Variants in CDYL2 observed in about 807,000 individuals in gnomAD.
CDYL2 encodes the protein chromodomain Y-like protein 2.
CDYL2 carries 23 observed loss-of-function variants against 49.4 expected under a neutral mutation model. That is an observed-to-expected ratio of 0.47 (90% CI 0.34 to 0.66). The LOEUF is 0.66. CDYL2 is among the 30% of genes least tolerant of loss of function. The probability of loss-of-function intolerance (pLI) is 0.01; values close to 1 mark genes in which losing one functional copy is unlikely to be tolerated. For missense variants in CDYL2, 678 were observed against 656.4 expected, an observed-to-expected ratio of 1.03 and a Z score of -0.36; for synonymous variants, 360 against 268.8, an observed-to-expected ratio of 1.34 and a Z score of -3.32.
intron 1 of CDYL2, chr16:80,742,178 C>T (rs1203184855): frequency 6.6e-6 from 1 of 152,256 alleles, no homozygotes; most frequent in East Asian, 1.9e-4. Flanking sequence ...CAAACCCAGG[C>T]AGTGTGCCTA....
chr16:80,666,896 T>C (rs1482783222), intron 2 of CDYL2, among the ~76,000 whole-genome samples: 2 of 152,166 alleles, frequency 1.3e-5, no homozygotes, highest in Non-Finnish European at 2.9e-5. Context: ...CCCAGCATTG[T>C]TAGGTGTTGG....
chr16:80,708,307 T>C (rs187099920), intron 1 of CDYL2, among the ~76,000 whole-genome samples: 42 of 152,312 alleles, frequency 2.8e-4, no homozygotes, highest in Admixed American at 1.5e-3. Flanking sequence ...CATACTCTTC[T>C]TGTGACAGTG....
intron 1 of CDYL2, among the ~76,000 whole-genome samples, chr16:80,775,844 A>G (rs1421550995): frequency 6.6e-6 from 1 of 151,176 alleles, no homozygotes; most frequent in Non-Finnish European, 1.5e-5. Flanking sequence ...GTATATATCT[A>G]TATCTTAATT....
At chr16:80,681,566 C>T (rs1909968574) in intron 2 of CDYL2, among the ~76,000 whole-genome samples, 1 of 152,224 alleles carries the variant, frequency 6.6e-6, no homozygotes, top group African/African-American at 2.4e-5. Context: ...CCTTCTCTCT[C>T]AAGCAAGGAT....
intron 2 of CDYL2, among the ~76,000 whole-genome samples, chr16:80,648,428 C>A (rs990854561): frequency 6.6e-6 from 1 of 152,022 alleles, no homozygotes; most frequent in African/African-American, 2.4e-5. Flanking sequence ...TAGACACATA[C>A]AACCTACTAA....
intron 1 of CDYL2, among the ~76,000 whole-genome samples, chr16:80,714,618 C>T (rs1222980880): frequency 6.6e-6 from 1 of 152,130 alleles, no homozygotes; most frequent in Non-Finnish European, 1.5e-5. Context: ...ATGGTCACCT[C>T]AATAAAGCCA....
At chr16:80,746,615 A>G (rs2142558153) in intron 1 of CDYL2, among the ~76,000 whole-genome samples, 1 of 152,346 alleles carries the variant, frequency 6.6e-6, no homozygotes, top group South Asian at 2.1e-4. Flanking sequence ...CCTGGCTCAG[A>G]CAGCCCAGGC....
chr16:80,762,190 A>T (rs530700005), intron 1 of CDYL2, among the ~76,000 whole-genome samples: 1 of 152,264 alleles, frequency 6.6e-6, no homozygotes, highest in South Asian at 2.1e-4. Context: ...CTCAAAAATA[A>T]ATAAATAAAA....
intron 1 of CDYL2, among the ~76,000 whole-genome samples, chr16:80,798,358 T>C (rs1314278129): frequency 1.3e-5 from 2 of 152,204 alleles, no homozygotes; most frequent in East Asian, 1.9e-4. Context: ...AGGTCATTTA[T>C]AGGCAGATTT....
intron 2 of CDYL2, among the ~76,000 whole-genome samples, chr16:80,675,290 G>C (rs535674657): frequency 2.0e-5 from 3 of 152,190 alleles, no homozygotes; most frequent in Non-Finnish European, 4.4e-5. Flanking sequence ...TCTCAGTGCT[G>C]TGTCTTACCC....
At chr16:80,645,879 T>A (rs912769110) in intron 2 of CDYL2, among the ~76,000 whole-genome samples, 21 of 150,238 alleles carry the variant, frequency 1.4e-4, no homozygotes, top group Non-Finnish European at 2.7e-4. Flanking sequence ...GCAAACTATC[T>A]CAAGGACAGA....
rs768623859 is a variant in CDYL2, at chr16:80,684,611, C to G, written c.543G>C (p.Leu181Phe). Reference sequence around the variant, plus strand: ...TATCTTGCTCTCCAACATGATCATTCAAATCCAAGCCAGGCTGATGGGACC... The same window carrying G: ...TATCTTGCTCTCCAACATGATCATTGAAATCCAAGCCAGGCTGATGGGACC... ...GNGSHQPGLD[L>F]NDHVGEQDMG... Residue 181 changes from leucine (L) to phenylalanine (F), a missense_variant, in exon 2 of 7, where the codon TTG (leucine) becomes TTC (phenylalanine). Around this residue, in one of 3 missense-constraint regions of CDYL2, gnomAD observed 478 missense variants for 427.0 expected, o/e 1.12. Transcript: ENST00000570137. 6 of 1,614,100 alleles carry G rather than the reference C, an allele frequency of 3.7e-6. No individual in the cohort carries two copies. In the South Asian group the frequency reaches 6.6e-5, roughly 18 times the overall value.
intron 1 of CDYL2, among the ~76,000 whole-genome samples, chr16:80,697,844 A>T (rs1904282116): frequency 6.6e-6 from 1 of 152,168 alleles, no homozygotes; most frequent in Non-Finnish European, 1.5e-5. Context: ...TTAACCAAGG[A>T]GATGAAAGAT....
In CDYL2 at chr16:80,597,959, T is replaced by C. The variant is rs896885996; in HGVS notation, c.*6429A>G. On this transcript the variant is annotated 3_prime_UTR_variant, in exon 7 of 7. Coordinates refer to ENST00000570137, the MANE Select transcript of CDYL2 (RefSeq NM_152342.4). Reference sequence around the variant, plus strand: ...CTTCTCACAATGTATAAATACTGCATATTAGCACACATGAAAAATACAACT... The same window carrying C: ...CTTCTCACAATGTATAAATACTGCACATTAGCACACATGAAAAATACAACT... The C allele has an allele frequency of 3.3e-5, 5 of 152,324 alleles. No individual in the cohort carries two copies. Among genetic ancestry groups the C allele is most frequent in the East Asian group, 1.9e-4 (1 of 5,182 alleles). 9.4% of individuals were successfully genotyped at this position (152,324 alleles called of 1,614,324 possible). A position where few individuals can be genotyped will look rare whatever the true frequency, so the allele number is the denominator to read the frequency against.
chr16:80,611,510 A>G (rs1046179196), intron 5 of CDYL2, among the ~76,000 whole-genome samples: 5 of 152,132 alleles, frequency 3.3e-5, no homozygotes, highest in African/African-American at 9.7e-5. Flanking sequence ...TCCAACGCCT[A>G]CTCGGACCAG....
intron 2 of CDYL2, among the ~76,000 whole-genome samples, chr16:80,664,217 T>G (rs187379656): frequency 6.6e-6 from 1 of 152,306 alleles, no homozygotes; most frequent in East Asian, 1.9e-4. Context: ...ATAAACACCT[T>G]AACTTCCAGG....
At chr16:80,635,565 G>A (rs1019214454) in intron 2 of CDYL2, among the ~76,000 whole-genome samples, 1 of 152,118 alleles carries the variant, frequency 6.6e-6, no homozygotes, top group Non-Finnish European at 1.5e-5. Flanking sequence ...AATAAGAGAG[G>A]ACACAAACAA....
At chr16:80,733,497 T>C (rs1905405308) in intron 1 of CDYL2, among the ~76,000 whole-genome samples, 1 of 152,164 alleles carries the variant, frequency 6.6e-6, no homozygotes, top group African/African-American at 2.4e-5. Flanking sequence ...CTTGAAGACA[T>C]CTGTGTCCTC....
At chr16:80,769,235 C>T (rs1469381144) in intron 1 of CDYL2, among the ~76,000 whole-genome samples, 1 of 152,216 alleles carries the variant, frequency 6.6e-6, no homozygotes, top group Admixed American at 6.5e-5. Flanking sequence ...GCATTCTAAT[C>T]AGCTGTCATT....
Sources: allele counts gnomAD v4.1 joint callset (sites outside exome capture counted in the v4.1 genomes callset), GRCh38; gene constraint gnomAD v4.1.1; regional missense constraint gnomAD v4.1.1; transcripts MANE v1.5; gene names NCBI Gene and HGNC (gene_info 2026-07-23, HGNC 2026-07-21).